KIDINS220: variants seen among roughly 807,000 people sequenced by gnomAD.
KIDINS220 encodes the protein kinase D interacting substrate 220, also known as kinase D-interacting substrate of 220 kDa.
KIDINS220 carries 63 observed loss-of-function variants against 157.6 expected under a neutral mutation model. The ratio of observed to expected loss-of-function variants is 0.40; its 90% CI spans 0.33 to 0.49. The LOEUF (loss-of-function observed/expected upper bound fraction) is 0.49. Ranked by LOEUF, KIDINS220 falls within the 20% of genes least tolerant of loss-of-function variation. KIDINS220 has a pLI of 0.66. For missense variants in KIDINS220, 1,772 were observed against 2,171.2 expected (o/e 0.82, Z 3.65); for synonymous variants, 732 against 783.6 (o/e 0.93, Z 1.10).
rs1319813487 is a variant in KIDINS220 at position 8,744,383 on chromosome 2, AAAAAAATATATATATATAATATATAT to A, written c.3585+2736_3585+2761del. On this transcript the variant is annotated intron_variant, in intron 26 of 29. Coordinates refer to ENST00000256707, the MANE Select transcript of KIDINS220 (RefSeq NM_020738.4). ...CATGGCAAAAAAAAAAAAAAAAAAAAAAAAAATATATATATATAATATATATATATATATATATATATATATATATA... is the reference window on the plus strand; with the variant it reads ...CATGGCAAAAAAAAAAAAAAAAAAAAATATATATATATATATATATATATA... Among the ~76,000 whole-genome samples, 37 of 28,934 alleles carry A rather than the reference AAAAAAATATATATATATAATATATAT, an allele frequency of 1.3e-3. 2 individuals carry two copies. In the South Asian group the frequency reaches 0.015, roughly 12 times the overall value. 19.0% of individuals were successfully genotyped at this position (28,934 alleles called of 152,430 possible).
At chr2:8,757,152 G>T in intron 22 of KIDINS220, 1 of 535,942 alleles carries the variant, frequency 1.9e-6, no homozygotes. Flanking sequence ...ATTTACTAGT[G>T]TTTATACAAA....
intron 26 of KIDINS220, chr2:8,740,125 G>GT: frequency 1.0e-6 from 1 of 960,266 alleles, no homozygotes; most frequent in Non-Finnish European, 1.2e-6. Flanking sequence ...AATAAGAAAA[G>GT]TAAGATTTCA....
chr2:8,785,399 C>T (rs557659795), intron 17 of KIDINS220, among the ~76,000 whole-genome samples: 1 of 152,264 alleles, frequency 6.6e-6, no homozygotes, highest in East Asian at 1.9e-4. Flanking sequence ...GTGAACCCTA[C>T]TGTAAACTAT....
In KIDINS220 at chr2:8,782,316, G is replaced by C. The variant is rs150189118; in HGVS notation, c.2230-2502C>G. 9.2e-3 allele frequency among the ~76,000 whole-genome samples: 1,398 copies of C among 152,066 alleles called. 15 individuals carry two copies. Among genetic ancestry groups the C allele is most frequent in the Non-Finnish European group, 0.014 (951 of 67,984 alleles). ...AAGCCTTGGACTAACTAAGATGAAA[G>C]AAGAGGAAACACAAATTCAGAAAAA... On this transcript the variant is annotated intron_variant, in intron 17 of 29. Transcript: ENST00000256707.
chr2:8,791,073 G>A lies in KIDINS220; in HGVS notation c.1428C>T (p.Leu476=). Residue 476 remains leucine (L), a synonymous_variant, in exon 13 of 30, where the codon CTC becomes CTT. Transcript: ENST00000256707. The part of the protein sequence containing the change: ...AQWGSGKSFL[L]KKLEDEMKTF... Reference sequence around the variant, plus strand: ...CAAGCCCTTTACCTTCTAGTTTCTTGAGTAAGAAAGATTTCCCACTTCCCC... The same window carrying A: ...CAAGCCCTTTACCTTCTAGTTTCTTAAGTAAGAAAGATTTCCCACTTCCCC... 1 of 1,612,660 alleles carries A rather than the reference G, an allele frequency of 6.2e-7. No individual in the cohort carries two copies. The highest frequency in any genetic ancestry group is 2.2e-5 in the East Asian group (1 of 44,850).
intron 2 of KIDINS220, among the ~76,000 whole-genome samples, chr2:8,822,331 CT>C (rs1201652514): frequency 6.6e-6 from 1 of 152,100 alleles, no homozygotes; most frequent in Non-Finnish European, 1.5e-5. Flanking sequence ...CCTTTAAAGT[CT>C]ATTTACAGGC....
At chr2:8,746,197 G>A (rs1666541186) in intron 26 of KIDINS220, among the ~76,000 whole-genome samples, 1 of 151,360 alleles carries the variant, frequency 6.6e-6, no homozygotes, top group Non-Finnish European at 1.5e-5. Context: ...CCACCTCCCA[G>A]GCTCAAGCGA....
At chr2:8,800,355 T>C in intron 9 of KIDINS220, 45 bp downstream of exon 9, 1 of 1,248,210 alleles carries the variant, frequency 8.0e-7, no homozygotes, top group Middle Eastern at 1.9e-4. Context: ...AACACTTACA[T>C]GCAATTATAC....
At chr2:8,817,753 C>A in intron 3 of KIDINS220, 37 bp from the exon 4 acceptor site, 3 of 1,365,948 alleles carry the variant, frequency 2.2e-6, no homozygotes, top group East Asian at 2.3e-5. Context: ...ATTTTCAAAC[C>A]AAAAATAACA....
Position 8,776,759 on chromosome 2 carries a change from A to T in KIDINS220, c.2837T>A (p.Val946Asp). 1 of 1,613,264 alleles carries T rather than the reference A, an allele frequency of 6.2e-7. No homozygotes were observed. Among genetic ancestry groups the T allele is most frequent in the Non-Finnish European group, 8.5e-7 (1 of 1,179,726 alleles). Residue 946 changes from valine (V) to aspartate (D), a missense_variant, in exon 21 of 30, where the codon GTT becomes GAT. Physicochemically the swap from Val to Asp is radical, Grantham distance 152 (BLOSUM62 -3). Transcript: ENST00000256707. The part of the protein sequence containing the change: ...PQTMRRLLNI[V>D]SVTGRLLRAN... ...GAGACAAAAGTCACCTGTCACAGAA[A>T]CAATATTAAGTAATCTTCTCATGGT...
chr2:8,738,800 A>T (rs1665230784), intron 26 of KIDINS220, among the ~76,000 whole-genome samples: 1 of 152,270 alleles, frequency 6.6e-6, no homozygotes, highest in African/African-American at 2.4e-5. Flanking sequence ...GGTGAAATTC[A>T]TATAAAGTCT....
In KIDINS220 at chr2:8,798,339, T is replaced by TA. The variant is rs375557183; in HGVS notation, c.901-40dup. 2.8e-5 allele frequency: 32 copies of TA among 1,139,458 alleles called. No individual in the cohort carries two copies. In the East Asian group the frequency reaches 5.4e-4, roughly 19 times the overall value. The allele number at this position is 1,139,458 out of a possible 1,614,324, so 70.6% of individuals were successfully genotyped here. A position where few individuals can be genotyped will look rare whatever the true frequency, so the allele number is the denominator to read the frequency against. ...AAAAACACAATCACTTCATGTAAGA[T>TA]ACAATATTTAAAACTGCTACTTATA... On this transcript the variant is annotated intron_variant, in intron 9 of 29. Transcript: ENST00000256707.
intron 7 of KIDINS220, among the ~76,000 whole-genome samples, chr2:8,805,289 T>G (rs920598463): frequency 6.6e-6 from 1 of 152,122 alleles, no homozygotes; most frequent in Non-Finnish European, 1.5e-5. Context: ...CATGATTTAT[T>G]AAATCATTGG....
In KIDINS220 at chr2:8,758,506, A is replaced by G. The variant is rs546548494; in HGVS notation, c.3012-6862T>C. Among the ~76,000 whole-genome samples, 4 of 152,150 alleles carry G rather than the reference A, an allele frequency of 2.6e-5. No homozygotes were observed. The South Asian group carries it at 8.3e-4, about 32-fold the overall frequency. ...CAATTTGCTGGTATTTTCAAGGAAA[A>G]TACTTCTGGTTTCATTGCTTTTTTT... On this transcript the variant is annotated intron_variant, in intron 22 of 29. Coordinates refer to ENST00000256707, the MANE Select transcript of KIDINS220 (RefSeq NM_020738.4).
In KIDINS220 at chr2:8,747,312, T is replaced by G. The variant is rs570027947; in HGVS notation, c.3529-111A>C. ...ATATACAACACTGAAACTCAACAGT[T>G]TATGTTTTTGCCTCCTGATTTATAA... is the stretch of plus-strand genomic sequence containing the variant. On this transcript the variant is annotated intron_variant, in intron 25 of 29. Coordinates refer to ENST00000256707, the MANE Select transcript of KIDINS220 (RefSeq NM_020738.4). The G allele has an allele frequency of 4.4e-5, 41 of 931,626 alleles. 1 individual carries two copies. The African/African-American group carries it at 5.7e-4, about 13-fold the overall frequency. The allele number at this position is 931,626 out of a possible 1,614,324, so 57.7% of individuals were successfully genotyped here.
chr2:8,784,031 A>G (rs1572642566), intron 17 of KIDINS220, among the ~76,000 whole-genome samples: 1 of 152,310 alleles, frequency 6.6e-6, no homozygotes, highest in Middle Eastern at 3.4e-3. Context: ...ATAGAGCTAG[A>G]GTAATCAAAC....
chr2:8,786,429 T>C, intron 15 of KIDINS220, 72 bp from the exon 16 acceptor site: 1 of 1,138,250 alleles, frequency 8.8e-7, no homozygotes, highest in Non-Finnish European at 1.3e-6. Context: ...TATGTCATCT[T>C]TGCATCACTT....
In KIDINS220 at chr2:8,832,001, C is replaced by G. The variant is rs140833346; in HGVS notation, c.-36-4872G>C. Among the ~76,000 whole-genome samples, 237 of 152,298 alleles carry G rather than the reference C, an allele frequency of 1.6e-3. 1 individual carries two copies. The highest frequency in any genetic ancestry group is 2.9e-3 in the Non-Finnish European group (198 of 68,022). ...GCTTCTTTATCAATTACAGCTTTAG[C>G]CTTACTCCATACCTCTTGCCTTTTC... On this transcript the variant is annotated intron_variant, in intron 1 of 29. Coordinates refer to ENST00000256707, the MANE Select transcript of KIDINS220 (RefSeq NM_020738.4).
chr2:8,774,608 T>C lies in KIDINS220; in HGVS notation c.2848+2140A>G, dbSNP rs577147076. On this transcript the variant is annotated intron_variant, in intron 21 of 29. Coordinates refer to ENST00000256707, the MANE Select transcript of KIDINS220 (RefSeq NM_020738.4). The stretch of plus-strand genomic sequence containing the variant: ...ATGCATATATCCAAAGAACAATCTG[T>C]ACAGGCAGAAGAAATAGCAATTGCA... Among the ~76,000 whole-genome samples, 9 of 152,256 alleles carry C rather than the reference T, an allele frequency of 5.9e-5. 1 individual carries two copies. The East Asian group carries it at 1.7e-3, about 29-fold the overall frequency.
Sources: allele counts gnomAD v4.1 joint callset (sites outside exome capture counted in the v4.1 genomes callset), GRCh38; gene constraint gnomAD v4.1.1; transcripts MANE v1.5; gene names NCBI Gene and HGNC (gene_info 2026-07-23, HGNC 2026-07-21).